CCDC66: variants seen among roughly 807,000 people sequenced by gnomAD.
CCDC66 encodes the protein coiled-coil domain-containing protein 66.
Under a neutral mutation model 128.3 loss-of-function variants are expected in CCDC66, and 133 were observed. That is an observed-to-expected ratio of 1.04 (90% CI 0.90 to 1.20). The LOEUF (loss-of-function observed/expected upper bound fraction) is 1.20. Ranked by LOEUF, CCDC66 falls within the 50% of genes most tolerant of loss-of-function variation. CCDC66 has a pLI of 0.00. For synonymous variants in CCDC66, 387 were observed against 357.0 expected, an observed-to-expected ratio of 1.08 and a Z score of -0.95; for missense variants, 1,126 against 1,075.5, an observed-to-expected ratio of 1.05 and a Z score of -0.66.
intron 7 of CCDC66, among the ~76,000 whole-genome samples, chr3:56,582,166 C>G (rs1388570134): frequency 6.6e-6 from 1 of 151,926 alleles, no homozygotes; most frequent in Non-Finnish European, 1.5e-5. Context: ...TCTCAGACTG[C>G]TGTGCTAGCA....
intron 7 of CCDC66, chr3:56,572,189 C>G (rs2066728815): frequency 2.7e-6 from 1 of 368,472 alleles, no homozygotes; most frequent in South Asian, 2.2e-5. Flanking sequence ...AACTCTGCCA[C>G]TATGTGTAAG....
At chr3:56,586,961 T>C (rs890216425) in intron 7 of CCDC66, among the ~76,000 whole-genome samples, 22 of 151,620 alleles carry the variant, frequency 1.5e-4, no homozygotes, top group African/African-American at 5.1e-4. Context: ...GAGGCTGAGG[T>C]GAAGGAATTA....
intron 7 of CCDC66, among the ~76,000 whole-genome samples, chr3:56,592,330 C>G (rs1376326254): frequency 1.3e-5 from 2 of 152,132 alleles, no homozygotes; most frequent in Non-Finnish European, 2.9e-5. Flanking sequence ...AAATTAATAA[C>G]TCTTTCAGCC....
chr3:56,559,036 C>A (rs973758771), intron 2 of CCDC66, 126 bp downstream of exon 2: 8 of 694,250 alleles, frequency 1.2e-5, no homozygotes, highest in African/African-American at 3.6e-5. Context: ...AAAGCTGTTT[C>A]CTCAAACTTC....
chr3:56,596,318 T>A (rs1307833657), intron 10 of CCDC66, among the ~76,000 whole-genome samples: 1 of 152,248 alleles, frequency 6.6e-6, no homozygotes, highest in Non-Finnish European at 1.5e-5. Flanking sequence ...GAGCATTTTT[T>A]CATGTACCTG....
At chr3:56,594,078 G>A (rs759824796) in intron 10 of CCDC66, 50 bp downstream of exon 10, 3 of 1,475,396 alleles carry the variant, frequency 2.0e-6, no homozygotes, top group African/African-American at 1.4e-5. Context: ...AACAGTCATG[G>A]TGAACATATA....
At chr3:56,566,912 A>G (rs757360274) in intron 5 of CCDC66, 38 bp from the exon 6 acceptor site, 5 of 1,547,932 alleles carry the variant, frequency 3.2e-6, no homozygotes, top group Non-Finnish European at 3.6e-6. Context: ...GTAGAAATGT[A>G]TGATACAGTT....
intron 10 of CCDC66, among the ~76,000 whole-genome samples, chr3:56,608,299 A>G (rs757923998): frequency 3.3e-5 from 5 of 152,126 alleles, no homozygotes; most frequent in African/African-American, 9.7e-5. Context: ...TACCATTTCA[A>G]TCTCACTGCT....
At chr3:56,559,032 G>C in intron 2 of CCDC66, 122 bp downstream of exon 2, 1 of 725,480 alleles carries the variant, frequency 1.4e-6, no homozygotes, top group South Asian at 2.0e-5. Flanking sequence ...AGAAAAAGCT[G>C]TTTCCTCAAA....
At chr3:56,598,517 C>T (rs2072549973) in intron 10 of CCDC66, among the ~76,000 whole-genome samples, 2 of 152,028 alleles carry the variant, frequency 1.3e-5, no homozygotes, top group African/African-American at 4.8e-5. Flanking sequence ...AGGCTTTCAG[C>T]TTTTCCCCAT....
chr3:56,564,714 G>C (rs2065559531), intron 4 of CCDC66, among the ~76,000 whole-genome samples: 1 of 152,130 alleles, frequency 6.6e-6, no homozygotes, highest in South Asian at 2.1e-4. Context: ...TTTCCACTTT[G>C]GGATAAGGAA....
chr3:56,612,792 A>G (rs6810125), intron 10 of CCDC66, among the ~76,000 whole-genome samples: 7,506 of 152,254 alleles, frequency 0.049, 194 homozygotes, highest in East Asian at 0.091. Context: ...TGTCCTGGGC[A>G]GGGCAGTCCC....
At chr3:56,600,813 A>G (rs914957589) in intron 10 of CCDC66, among the ~76,000 whole-genome samples, 1 of 151,938 alleles carries the variant, frequency 6.6e-6, no homozygotes, top group Non-Finnish European at 1.5e-5. Flanking sequence ...TCCTTTGCCT[A>G]CTTTTTGATG....
intron 7 of CCDC66, among the ~76,000 whole-genome samples, chr3:56,587,819 A>C (rs56204053): frequency 0.38 from 58,103 of 152,144 alleles, 13,703 homozygotes; most frequent in Non-Finnish European, 0.54. Context: ...CAGTGAGCCG[A>C]GATCGCACCA....
At chr3:56,566,844 C>T in intron 5 of CCDC66, 85 bp downstream of exon 5, 3 of 1,470,736 alleles carry the variant, frequency 2.0e-6, no homozygotes, top group Non-Finnish European at 2.8e-6. Flanking sequence ...GAAATAGTTA[C>T]TCTGAATACT....
At chr3:56,587,284 A>C (rs2069954300) in intron 7 of CCDC66, among the ~76,000 whole-genome samples, 1 of 151,914 alleles carries the variant, frequency 6.6e-6, no homozygotes, top group Non-Finnish European at 1.5e-5. Flanking sequence ...CATTACATAG[A>C]ATGTTATAGT....
intron 7 of CCDC66, among the ~76,000 whole-genome samples, chr3:56,586,110 C>T (rs1372677150): frequency 6.6e-6 from 1 of 151,966 alleles, no homozygotes; most frequent in African/African-American, 2.4e-5. Flanking sequence ...GGAGAACCTT[C>T]TAATTCTTTA....
At chr3:56,596,298 T>A (rs547945481) in intron 10 of CCDC66, among the ~76,000 whole-genome samples, 6 of 152,192 alleles carry the variant, frequency 3.9e-5, no homozygotes, top group Non-Finnish European at 7.3e-5. Context: ...TTTCTGTGAT[T>A]AGTAATGTTG....
At chr3:56,605,745 G>C (rs2073973912) in intron 10 of CCDC66, among the ~76,000 whole-genome samples, 3 of 152,120 alleles carry the variant, frequency 2.0e-5, no homozygotes, top group Middle Eastern at 6.8e-3. Context: ...GGATACATGG[G>C]TGTCAGGGAC....
Sources: gnomAD v4.1 joint callset for allele counts (sites outside exome capture counted in the v4.1 genomes callset) on GRCh38, gnomAD v4.1.1 for gene constraint, MANE v1.5 for transcripts, NCBI Gene and HGNC (gene_info 2026-07-23, HGNC 2026-07-21) for gene names.